TMEM178B: variants seen among roughly 807,000 people sequenced by gnomAD.
The protein encoded by TMEM178B is transmembrane protein 178B.
In TMEM178B, 5 loss-of-function variants were observed where a neutral mutation model predicts 31.0. That is an observed-to-expected ratio of 0.16 (90% CI 0.08 to 0.34). The LOEUF (loss-of-function observed/expected upper bound fraction) is 0.34. Among genes scored for constraint, TMEM178B ranks in the 10% least tolerant of loss-of-function variants. The pLI, the probability that TMEM178B is intolerant of heterozygous loss-of-function variation, is 1.00. For missense variants in TMEM178B, 275 were observed against 400.3 expected (o/e 0.69, Z 2.67); for synonymous variants, 164 against 164.0 (o/e 1.00, Z 0.00).
intron 2 of TMEM178B, among the ~76,000 whole-genome samples, chr7:141,405,956 C>T (rs1457931146): frequency 1.3e-5 from 2 of 152,204 alleles, no homozygotes. Flanking sequence ...AAGCCCATTG[C>T]TACAGGACAC....
At chr7:141,228,229 A>G (rs1257292483) in intron 2 of TMEM178B, among the ~76,000 whole-genome samples, 4 of 152,184 alleles carry the variant, frequency 2.6e-5, no homozygotes, top group African/African-American at 9.6e-5. Context: ...TATATGTTGT[A>G]TTTAAATAAA....
chr7:141,296,290 A>G (rs149599594), intron 2 of TMEM178B, among the ~76,000 whole-genome samples: 3,878 of 152,124 alleles, frequency 0.025, 167 homozygotes, highest in East Asian at 0.15. Flanking sequence ...CTGGTCTCAA[A>G]CTCCCAACCT....
At chr7:141,481,744 A>G (rs1802480144), downstream of TMEM178B, among the ~76,000 whole-genome samples, 1 of 152,216 alleles carries the variant, frequency 6.6e-6, no homozygotes, top group Admixed American at 6.5e-5. Flanking sequence ...AAGAAATGGG[A>G]GAGCCCCACC....
chr7:141,225,543 T>G, intron 2 of TMEM178B, among the ~76,000 whole-genome samples: 1 of 152,190 alleles, frequency 6.6e-6, no homozygotes, highest in East Asian at 1.9e-4. Flanking sequence ...CAGACAGGAC[T>G]TCTCTGGAAA....
chr7:141,126,967 C>T (rs937308507), intron 1 of TMEM178B, among the ~76,000 whole-genome samples: 2 of 151,826 alleles, frequency 1.3e-5, no homozygotes, highest in Non-Finnish European at 2.9e-5. Flanking sequence ...TAGGATCAGG[C>T]GGATTTGCAA....
intron 1 of TMEM178B, among the ~76,000 whole-genome samples, chr7:141,137,879 G>A (rs138173236): frequency 6.6e-6 from 1 of 152,146 alleles, no homozygotes; most frequent in East Asian, 1.9e-4. Context: ...TAATAAAATG[G>A]AACTTCTGAG....
At chr7:141,395,521 T>C (rs1348821460) in intron 2 of TMEM178B, among the ~76,000 whole-genome samples, 3 of 152,174 alleles carry the variant, frequency 2.0e-5, no homozygotes, top group African/African-American at 7.2e-5. Context: ...TTGGATCTCC[T>C]CAGAAGCTCA....
chr7:141,261,826 TACCAACAA>T (rs1798018280), intron 2 of TMEM178B, among the ~76,000 whole-genome samples: 1 of 152,276 alleles, frequency 6.6e-6, no homozygotes, highest in South Asian at 2.1e-4. Flanking sequence ...CTGTCTTATC[TACCAACAA>T]ACAGTAAGGG....
At chr7:141,179,009 T>C (rs1796475584) in intron 1 of TMEM178B, among the ~76,000 whole-genome samples, 1 of 152,146 alleles carries the variant, frequency 6.6e-6, no homozygotes, top group Non-Finnish European at 1.5e-5. Flanking sequence ...CTCAGCTGAC[T>C]TTTGCTTAGT....
chr7:141,243,099 T>A (rs1399594537), intron 2 of TMEM178B, among the ~76,000 whole-genome samples: 1 of 152,110 alleles, frequency 6.6e-6, no homozygotes, highest in Non-Finnish European at 1.5e-5. Context: ...TTCATTCACG[T>A]TAAATAAAGT....
intron 2 of TMEM178B, among the ~76,000 whole-genome samples, chr7:141,360,666 G>A (rs775787732): frequency 7.2e-5 from 11 of 152,150 alleles, no homozygotes; most frequent in African/African-American, 1.7e-4. Flanking sequence ...CAGAGTTAGC[G>A]TTATGTAGGA....
chr7:141,286,379 T>G (rs1038846581), intron 2 of TMEM178B, among the ~76,000 whole-genome samples: 1 of 152,174 alleles, frequency 6.6e-6, no homozygotes, highest in African/African-American at 2.4e-5. Flanking sequence ...GGACCTCAGT[T>G]TTCTTCCTAG....
In TMEM178B at chr7:141,313,381, G is replaced by A. The variant is rs192288927; in HGVS notation, c.496+100677G>A. 6.8e-4 allele frequency among the ~76,000 whole-genome samples: 103 copies of A among 152,154 alleles called. No individual in the cohort carries two copies. The East Asian group carries it at 8.1e-3, about 12-fold the overall frequency. ...TGCTCTCACCCTCATGGCTCTCCTTGGAAGTTAGGCTCTCTCTTGCTCTCC... is the reference window on the plus strand; with the variant it reads ...TGCTCTCACCCTCATGGCTCTCCTTAGAAGTTAGGCTCTCTCTTGCTCTCC... On this transcript the variant is annotated intron_variant, in intron 2 of 3. Transcript: ENST00000565468.
chr7:141,215,769 T>C (rs1797122264), intron 2 of TMEM178B, among the ~76,000 whole-genome samples: 1 of 150,890 alleles, frequency 6.6e-6, no homozygotes, highest in African/African-American at 2.5e-5. Context: ...ATTTGAATTA[T>C]ATACTTTCCT....
chr7:141,360,485 C>T (rs1799897882), intron 2 of TMEM178B, among the ~76,000 whole-genome samples: 1 of 152,204 alleles, frequency 6.6e-6, no homozygotes, highest in African/African-American at 2.4e-5. Flanking sequence ...AAAGAGTAAG[C>T]CTTTTTTCCT....
chr7:141,220,387 G>A (rs1436457417), intron 2 of TMEM178B, among the ~76,000 whole-genome samples: 2 of 151,752 alleles, frequency 1.3e-5, no homozygotes, highest in African/African-American at 4.8e-5. Flanking sequence ...TGCATGTACA[G>A]CTGTGGGTCC....
chr7:141,354,650 C>T (rs902998097), intron 2 of TMEM178B, among the ~76,000 whole-genome samples: 1 of 152,202 alleles, frequency 6.6e-6, no homozygotes, highest in Non-Finnish European at 1.5e-5. Flanking sequence ...CCCCCAAAGT[C>T]AAATCCTTTT....
the TMEM178B span, among the ~76,000 whole-genome samples, chr7:141,497,126 G>A: frequency 3.3e-5 from 5 of 152,228 alleles, no homozygotes; most frequent in Non-Finnish European, 1.5e-5. Context: ...GACAGTAAGA[G>A]CCCTGCACAC....
chr7:141,368,817 C>A (rs573438305), intron 2 of TMEM178B, among the ~76,000 whole-genome samples: 1 of 152,304 alleles, frequency 6.6e-6, no homozygotes, highest in Non-Finnish European at 1.5e-5. Context: ...AAAACATTCC[C>A]GGATCCCCTC....
Sources: gnomAD v4.1 joint callset for allele counts (sites outside exome capture counted in the v4.1 genomes callset) on GRCh38, gnomAD v4.1.1 for gene constraint, MANE v1.5 for transcripts, NCBI Gene and HGNC (gene_info 2026-07-23, HGNC 2026-07-21) for gene names.